The following PPFIA1 variants were observed in gnomAD, a reference collection of about 807,000 sequenced individuals.
PPFIA1 encodes the protein liprin-alpha-1.
In PPFIA1, 25 loss-of-function variants were observed where a neutral mutation model predicts 149.9. The ratio of observed to expected loss-of-function variants is 0.17; its 90% confidence interval spans 0.12 to 0.23. The LOEUF (loss-of-function observed/expected upper bound fraction) is 0.23, where lower values mean the gene tolerates loss of function less well. Ranked by LOEUF, PPFIA1 falls within the 10% of genes least tolerant of loss-of-function variation. The pLI, the probability that PPFIA1 is intolerant of heterozygous loss-of-function variation, is 1.00. For missense variants in PPFIA1, 1,362 were observed against 1,506.5 expected, an observed-to-expected ratio of 0.90 and a Z score of 1.59; for synonymous variants, 549 against 552.8, an observed-to-expected ratio of 0.99 and a Z score of 0.10.
At position 70,355,826 on chromosome 11, in the gene PPFIA1, C is replaced by T. The variant is rs752123922; in HGVS notation, c.2488+15C>T. On this transcript the variant is annotated intron_variant, in intron 18 of 27. Coordinates refer to ENST00000253925, the MANE Select transcript of PPFIA1 (RefSeq NM_003626.5). ...ATTAGGACAAGGTTGGTTGGTTTTC[C>T]GCACCCTTCTCAGCACCCAGGGGTC... The T allele has an allele frequency of 1.4e-5, 23 of 1,601,182 alleles. No individual in the cohort carries two copies. Among genetic ancestry groups the T allele is most frequent in the East Asian group, 6.7e-5 (3 of 44,818 alleles).
chr11:70,335,498 G>T, intron 10 of PPFIA1, 65 bp from the exon 11 acceptor site: 1 of 1,580,382 alleles, frequency 6.3e-7, no homozygotes, highest in African/African-American at 1.3e-5. Context: ...GTTGGTCCTT[G>T]TGCTTTTAAA....
intron 2 of PPFIA1, among the ~76,000 whole-genome samples, chr11:70,298,377 C>G (rs929073232): frequency 1.3e-5 from 2 of 152,090 alleles, no homozygotes; most frequent in Admixed American, 1.3e-4. Context: ...TTGTGCAAAC[C>G]ATAGAAATAC....
At chr11:70,319,586 C>T (rs1007799928) in intron 2 of PPFIA1, among the ~76,000 whole-genome samples, 2 of 152,212 alleles carry the variant, frequency 1.3e-5, no homozygotes, top group Non-Finnish European at 2.9e-5. Flanking sequence ...CCAACACACC[C>T]ATTTTGAGCA....
chr11:70,279,789 CTG>C (rs1169157777), intron 2 of PPFIA1, among the ~76,000 whole-genome samples: 2 of 149,028 alleles, frequency 1.3e-5, no homozygotes, highest in African/African-American at 5.1e-5. Context: ...CTGGGTCTCT[CTG>C]TTGCCCAGGG....
intron 10 of PPFIA1, chr11:70,334,578 C>T (rs1367793322): frequency 6.6e-6 from 1 of 152,190 alleles, no homozygotes; most frequent in African/African-American, 2.4e-5. Context: ...TGTTTCTTTC[C>T]CAAGAGGAAG....
rs1277511750 is a variant in PPFIA1, at chr11:70,326,812, C to T, written c.924C>T (p.Val308=). The part of the protein sequence containing the change: ...EEMNTKLQRD[V]REAMAQKEDM... ...TGAACACAAAATTGCAACGAGATGT[C>T]CGTGAAGTGAGCAATAACAAAAACT... The change falls in exon 7 of 28, where the codon GTC becomes GTT. Residue 308 remains valine, a synonymous_variant. Coordinates refer to ENST00000253925, the MANE Select transcript of PPFIA1 (RefSeq NM_003626.5). 6.2e-7 allele frequency: 1 copy of T among 1,612,408 alleles called. No homozygotes were observed. The highest frequency in any genetic ancestry group is 2.2e-5 in the East Asian group (1 of 44,864).
Position 70,383,465 on chromosome 11 carries a change from T to G in PPFIA1, c.*475T>G, listed in dbSNP as rs1051543099. 1.8e-5 allele frequency: 3 copies of G among 170,352 alleles called. No homozygotes were observed. The highest frequency in any genetic ancestry group is 7.2e-5 in the African/African-American group (3 of 41,542). The allele number at this position is 170,352 out of a possible 1,614,324, so 10.6% of individuals were successfully genotyped here. A position where few individuals can be genotyped will look rare whatever the true frequency, so the allele number is the denominator to read the frequency against. ...ATGACAGAAGCCATGTGCATTATCC[T>G]TTACGGACGCAGCCTAGCTCTACAG... On this transcript the variant is annotated 3_prime_UTR_variant, in exon 28 of 28. Coordinates refer to ENST00000253925, the MANE Select transcript of PPFIA1 (RefSeq NM_003626.5).
intron 2 of PPFIA1, chr11:70,283,954 G>T: frequency 1.9e-6 from 1 of 523,480 alleles, no homozygotes; most frequent in African/African-American, 1.9e-5. Context: ...AGAATCAGAA[G>T]CTTTTCTCAA....
Position 70,331,974 on chromosome 11 carries a change from C to T in PPFIA1, c.1092C>T (p.Asn364=). The T allele has an allele frequency of 6.2e-7, 1 of 1,609,920 alleles. No homozygotes were observed. ...DSMHRQTEDK[N]RQLQERLELA... ...TCATTTTATAGACTGAAGATAAAAA[C>T]CGCCAGTTACAGGAGCGCTTGGAAT... The change falls in exon 9 of 28, where the codon AAC becomes AAT. Residue 364 remains asparagine, a synonymous_variant. Transcript: ENST00000253925.
rs891421345 is a variant in PPFIA1, at chr11:70,355,933, G to A, written c.2488+122G>A. On this transcript the variant is annotated intron_variant, in intron 18 of 27. Transcript: ENST00000253925. ...GTGTGCTCTCCAGGGAGCAGCAGCT[G>A]TGAAGGCATGGGAGCTAGAGAGCAG... The A allele has an allele frequency of 1.2e-5, 15 of 1,292,522 alleles. No individual in the cohort carries two copies. The African/African-American group carries it at 1.9e-4, about 17-fold the overall frequency. 80.1% of individuals were successfully genotyped at this position (1,292,522 alleles called of 1,614,324 possible).
intron 10 of PPFIA1, 123 bp downstream of exon 10, chr11:70,333,676 C>T (rs549505350): frequency 1.0e-4 from 80 of 764,138 alleles, no homozygotes; most frequent in South Asian, 5.9e-4. Flanking sequence ...CAGTTCTGGT[C>T]GCGTGCATTT....
At chr11:70,313,609 G>A (rs2053421469) in intron 2 of PPFIA1, among the ~76,000 whole-genome samples, 1 of 152,146 alleles carries the variant, frequency 6.6e-6, no homozygotes, top group Non-Finnish European at 1.5e-5. Context: ...AGTGGTTACT[G>A]TGGAGGAGGA....
At chr11:70,282,833 CTTTTTTT>C (rs59308854) in intron 2 of PPFIA1, among the ~76,000 whole-genome samples, 1 of 71,894 alleles carries the variant, frequency 1.4e-5, no homozygotes, top group South Asian at 5.6e-4. Context: ...CCGTGCCTGG[CTTTTTTT>C]TTTTTTTTTT....
chr11:70,300,526 G>A (rs2052416526), intron 2 of PPFIA1, among the ~76,000 whole-genome samples: 1 of 148,052 alleles, frequency 6.8e-6, no homozygotes. Context: ...GTGCCACCAT[G>A]CCCACCTAAT....
intron 8 of PPFIA1, among the ~76,000 whole-genome samples, chr11:70,330,567 G>A (rs1314902579): frequency 2.0e-5 from 3 of 152,148 alleles, no homozygotes; most frequent in Non-Finnish European, 2.9e-5. Context: ...TTGCTTGTTA[G>A]CATTTTTACC....
intron 14 of PPFIA1, among the ~76,000 whole-genome samples, 162 bp from the exon 15 acceptor site, chr11:70,343,507 T>A (rs1266831145): frequency 1.3e-5 from 2 of 152,206 alleles, no homozygotes; most frequent in African/African-American, 4.8e-5. Flanking sequence ...CTCCCCAATT[T>A]CTTAAATACT....
At position 70,354,104 on chromosome 11, in the gene PPFIA1, G is replaced by A. The variant is rs2056226561; in HGVS notation, c.2164-197G>A. The A allele has an allele frequency of 1.1e-5, 6 of 557,554 alleles. No homozygotes were observed. In the South Asian group the frequency reaches 1.5e-4, roughly 14 times the overall value. 34.5% of individuals were successfully genotyped at this position (557,554 alleles called of 1,614,324 possible). On this transcript the variant is annotated intron_variant, in intron 16 of 27. Transcript: ENST00000253925. ...TTGGGCCCCAGCGCACGCTCGTGGG[G>A]AGGCAGACCAGGAGTCTGACAACTC...
chr11:70,361,936 T>A lies in PPFIA1; in HGVS notation c.2583-159T>A, dbSNP rs188607595. The stretch of plus-strand genomic sequence containing the variant: ...CACTACACCTTGCAAATTTTTAAAA[T>A]TTTTTGTAGAGTTGGGGTCTCGCTG... On this transcript the variant is annotated intron_variant, in intron 19 of 27. Transcript: ENST00000253925. 6.6e-5 allele frequency among the ~76,000 whole-genome samples: 10 copies of A among 152,144 alleles called. No homozygotes were observed. The East Asian group carries it at 1.9e-3, about 29-fold the overall frequency.
intron 2 of PPFIA1, among the ~76,000 whole-genome samples, chr11:70,286,946 ACATATAC>A (rs1421214430): frequency 5.8e-5 from 6 of 104,254 alleles, no homozygotes; most frequent in African/African-American, 3.0e-4. Context: ...ATATATATAC[ACATATAC>A]TATATATATA....
Sources: allele counts gnomAD v4.1 joint callset (sites outside exome capture counted in the v4.1 genomes callset), GRCh38; gene constraint gnomAD v4.1.1; transcripts MANE v1.5; gene names NCBI Gene and HGNC (gene_info 2026-07-23, HGNC 2026-07-21).